Variants in ZNF621 observed in about 807,000 individuals in gnomAD.
ZNF621 encodes the protein zinc finger protein 621.
In ZNF621, 6 loss-of-function variants were observed where a neutral mutation model predicts 12.7. That is an observed-to-expected ratio of 0.47 (90% confidence interval 0.26 to 0.93). ZNF621 has a LOEUF of 0.93. Among genes scored for constraint, ZNF621 ranks in the 40% least tolerant of loss-of-function variants. The probability of loss-of-function intolerance (pLI) is 0.15; values close to 1 mark genes in which losing one functional copy is unlikely to be tolerated. For missense variants in ZNF621, 474 were observed against 524.0 expected, an observed-to-expected ratio of 0.90 and a Z score of 0.93; for synonymous variants, 156 against 190.3, an observed-to-expected ratio of 0.82 and a Z score of 1.48.
chr3:40,533,017 G>T lies in ZNF621; in HGVS notation c.1247G>T (p.Arg416Leu). 6.4e-7 allele frequency: 1 copy of T among 1,551,672 alleles called. No homozygotes were observed. The highest frequency in any genetic ancestry group is 8.7e-7 in the Non-Finnish European group (1 of 1,147,000). ...CCTTCTTCATCTGCCCAAATAGTGC[G>T]TGTCTTCCAGGGTCTTACTCCCACT... is the stretch of plus-strand genomic sequence containing the variant. Reference protein sequence around the residue: ...GIPSSSAQIVRVFQGLTPTVK... With the variant: ...GIPSSSAQIVLVFQGLTPTVK... The change falls in exon 5 of 5, where the codon CGT (arginine) becomes CTT (leucine). Residue 416 changes from arginine to leucine, a missense_variant. Coordinates refer to ENST00000339296, the MANE Select transcript of ZNF621 (RefSeq NM_198484.5).
Position 40,533,139 on chromosome 3 carries a change from C to T in ZNF621, c.*49C>T. ...CTCTTATGCCTAGCAAATCTCCAGC[C>T]TAATTTTATATATTTTTTTGAGAAA... On this transcript the variant is annotated 3_prime_UTR_variant, in exon 5 of 5. Coordinates refer to ENST00000339296, the MANE Select transcript of ZNF621 (RefSeq NM_198484.5). 2 of 1,517,850 alleles carry T rather than the reference C, an allele frequency of 1.3e-6. No individual in the cohort carries two copies. The highest frequency in any genetic ancestry group is 8.8e-7 in the Non-Finnish European group (1 of 1,131,522). The allele number at this position is 1,517,850 out of a possible 1,614,324, so 94.0% of individuals were successfully genotyped here.
At chr3:40,523,772 AC>A (rs1329606332), upstream of ZNF621, among the ~76,000 whole-genome samples, 2 of 142,296 alleles carry the variant, frequency 1.4e-5, no homozygotes, top group Non-Finnish European at 3.0e-5. Flanking sequence ...TCTCAAAAAA[AC>A]AAACAAACAA....
Position 40,533,287 on chromosome 3 carries a change from C to A in ZNF621, c.*197C>A. The stretch of plus-strand genomic sequence containing the variant: ...TCTCGAATAGCTGGGATTACAGGCA[C>A]GCCTCACCACGCCCAGCTAATTTCT... On this transcript the variant is annotated 3_prime_UTR_variant, in exon 5 of 5. Coordinates refer to ENST00000339296, the MANE Select transcript of ZNF621 (RefSeq NM_198484.5). 1 of 803,084 alleles carries A rather than the reference C, an allele frequency of 1.2e-6. No individual in the cohort carries two copies. The highest frequency in any genetic ancestry group is 1.9e-6 in the Non-Finnish European group (1 of 539,466). 49.7% of individuals were successfully genotyped at this position (803,084 alleles called of 1,614,324 possible). A position where few individuals can be genotyped will look rare whatever the true frequency, so the allele number is the denominator to read the frequency against.
At chr3:40,523,553 C>G (rs1050791377), upstream of ZNF621, among the ~76,000 whole-genome samples, 5 of 151,986 alleles carry the variant, frequency 3.3e-5, no homozygotes, top group Admixed American at 3.3e-4. Context: ...ATCACAAGGT[C>G]AGGAGATCGA....
rs1451840669 is a variant in ZNF621, at chr3:40,534,138, G to A, written c.*1048G>A. 6.6e-6 allele frequency: 1 copy of A among 151,714 alleles called. No homozygotes were observed. The highest frequency in any genetic ancestry group is 6.6e-5 in the Admixed American group (1 of 15,210). 9.4% of individuals were successfully genotyped at this position (151,714 alleles called of 1,614,324 possible). A position where few individuals can be genotyped will look rare whatever the true frequency, so the allele number is the denominator to read the frequency against. ...TGTTTTTTTTTCTTTGTGAGCACTGGCTTCTATATTTTATTTCATATTTAT... is the reference window on the plus strand; with the variant it reads ...TGTTTTTTTTTCTTTGTGAGCACTGACTTCTATATTTTATTTCATATTTAT... On this transcript the variant is annotated 3_prime_UTR_variant, in exon 5 of 5. Transcript: ENST00000339296.
chr3:40,532,374 A>T lies in ZNF621; in HGVS notation c.604A>T (p.Ile202Phe), dbSNP rs374035474. The T allele has an allele frequency of 6.2e-7, 1 of 1,613,046 alleles. No individual in the cohort carries two copies. Among genetic ancestry groups the T allele is most frequent in the African/African-American group, 1.3e-5 (1 of 74,918 alleles). ...YDCIVHEKNH[I>F]GEGPYECKEC... ...TTGTATTGTACATGAGAAAAACCAC[A>T]TTGGAGAAGGGCCCTATGAATGTAA... is the stretch of plus-strand genomic sequence containing the variant. Residue 202 changes from isoleucine to phenylalanine, a missense_variant, in exon 5 of 5, where the codon ATT becomes TTT. Coordinates refer to ENST00000339296, the MANE Select transcript of ZNF621 (RefSeq NM_198484.5).
upstream of ZNF621, among the ~76,000 whole-genome samples, chr3:40,523,792 C>CAAA (rs560219486): frequency 4.5e-5 from 3 of 66,780 alleles, no homozygotes; most frequent in Non-Finnish European, 8.3e-5. Flanking sequence ...AAAAAACAAG[C>CAAA]AAAAAAAAAA....
intron 3 of ZNF621, 178 bp downstream of exon 3, chr3:40,529,623 T>C (rs779937794): frequency 4.6e-6 from 6 of 1,292,164 alleles, no homozygotes. Flanking sequence ...TTGTTTGTTT[T>C]GTTTGTTTGT....
At position 40,537,530 on chromosome 3, in the gene ZNF621, G is replaced by A. The variant is rs950079119; in HGVS notation, c.*4440G>A. The A allele has an allele frequency of 2.0e-5, 3 of 152,380 alleles. No homozygotes were observed. Among genetic ancestry groups the A allele is most frequent in the Non-Finnish European group, 4.4e-5 (3 of 68,220 alleles). The allele number at this position is 152,380 out of a possible 1,614,324, so 9.4% of individuals were successfully genotyped here. A position where few individuals can be genotyped will look rare whatever the true frequency, so the allele number is the denominator to read the frequency against. On this transcript the variant is annotated 3_prime_UTR_variant, in exon 5 of 5. Coordinates refer to ENST00000339296, the MANE Select transcript of ZNF621 (RefSeq NM_198484.5). ...AAGTGAGAGGATCCCTTTAGCCAGG[G>A]AGTTCGAGACTGCAGTGAGCTATGA...
At chr3:40,530,344 T>G in intron 4 of ZNF621, 28 bp downstream of exon 4, 1 of 1,589,894 alleles carries the variant, frequency 6.3e-7, no homozygotes, top group Non-Finnish European at 8.6e-7. Flanking sequence ...GTGGTGAAGT[T>G]TCTTGTTTTG....
intron 3 of ZNF621, chr3:40,529,655 CTCTG>C: frequency 7.5e-7 from 1 of 1,336,088 alleles, no homozygotes; most frequent in South Asian, 1.2e-5. Context: ...CAGAGTCTCG[CTCTG>C]TCACCTAGGC....
At chr3:40,530,506 A>G (rs945215945) in intron 4 of ZNF621, among the ~76,000 whole-genome samples, 190 bp downstream of exon 4, 2 of 152,214 alleles carry the variant, frequency 1.3e-5, no homozygotes, top group African/African-American at 4.8e-5. Flanking sequence ...ACATGGCCTC[A>G]TGCTGTCTGC....
At chr3:40,530,177 C>G (rs1402515581) in intron 3 of ZNF621, 32 bp from the exon 4 acceptor site, 2 of 1,583,592 alleles carry the variant, frequency 1.3e-6, no homozygotes, top group Non-Finnish European at 1.7e-6. Flanking sequence ...GGACGTCTCC[C>G]CTCAATTTGT....
In ZNF621 at chr3:40,539,277, T is replaced by A. The variant is rs1194543593; in HGVS notation, c.*6187T>A. 1.3e-5 allele frequency: 2 copies of A among 152,318 alleles called. No individual in the cohort carries two copies. Among genetic ancestry groups the A allele is most frequent in the Non-Finnish European group, 2.9e-5 (2 of 68,114 alleles). The allele number at this position is 152,318 out of a possible 1,614,324, so 9.4% of individuals were successfully genotyped here. On this transcript the variant is annotated 3_prime_UTR_variant, in exon 5 of 5. Transcript: ENST00000339296. ...TCAGTTGATGTTGCAGCCTTCCTTG[T>A]TGTCTCATTTAAAGAAATCTCTAGA...
In ZNF621 at chr3:40,539,006, A is replaced by G. The variant is rs1036302029; in HGVS notation, c.*5916A>G. ...CAATCTCATGATAAAACGTGAACAA[A>G]TGAGGAGTTGCTTCTAATATAAGAG... On this transcript the variant is annotated 3_prime_UTR_variant, in exon 5 of 5. Coordinates refer to ENST00000339296, the MANE Select transcript of ZNF621 (RefSeq NM_198484.5). 1.3e-5 allele frequency: 2 copies of G among 152,718 alleles called. No homozygotes were observed. The highest frequency in any genetic ancestry group is 2.9e-5 in the Non-Finnish European group (2 of 68,366). 9.5% of individuals were successfully genotyped at this position (152,718 alleles called of 1,614,324 possible).
chr3:40,531,944 A>T, intron 4 of ZNF621, 86 bp from the exon 5 acceptor site: 1 of 1,269,392 alleles, frequency 7.9e-7, no homozygotes, highest in Non-Finnish European at 1.1e-6. Context: ...TTTAAAAATT[A>T]CATTCTACAA....
upstream of ZNF621, among the ~76,000 whole-genome samples, chr3:40,523,976 T>C (rs1698519621): frequency 6.6e-6 from 1 of 152,184 alleles, no homozygotes; most frequent in Non-Finnish European, 1.5e-5. Context: ...GGAGTGAGGC[T>C]GTTGTGTACT....
In ZNF621 at chr3:40,532,309, A is replaced by C; in HGVS notation, c.539A>C (p.Lys180Thr). 1 of 1,612,470 alleles carries C rather than the reference A, an allele frequency of 6.2e-7. No homozygotes were observed. Among genetic ancestry groups the C allele is most frequent in the Non-Finnish European group, 8.5e-7 (1 of 1,180,044 alleles). Residue 180 changes from lysine to threonine, a missense_variant, in exon 5 of 5, where the codon AAG (lysine) becomes ACG (threonine). By Grantham distance (78) the Lys-to-Thr change is moderately conservative (BLOSUM62 -1). Transcript: ENST00000339296. Reference sequence around the variant, plus strand: ...AGTCATACTGGGGAAAAGCCCTTTAAGTGTAAGGAGTGTGGCAAAGCTTTC... The same window carrying C: ...AGTCATACTGGGGAAAAGCCCTTTACGTGTAAGGAGTGTGGCAAAGCTTTC... ...QMSHTGEKPF[K>T]CKECGKAFKS...
In ZNF621 at chr3:40,539,268, C is replaced by G. The variant is rs1449355349; in HGVS notation, c.*6178C>G. ...AAGGAAGAGTCAGTTGATGTTGCAG[C>G]CTTCCTTGTTGTCTCATTTAAAGAA... On this transcript the variant is annotated 3_prime_UTR_variant, in exon 5 of 5. Transcript: ENST00000339296. The G allele has an allele frequency of 1.3e-5, 2 of 152,334 alleles. No homozygotes were observed. The highest frequency in any genetic ancestry group is 3.8e-4 in the East Asian group (2 of 5,222). The allele number at this position is 152,334 out of a possible 1,614,324, so 9.4% of individuals were successfully genotyped here.
Sources: gnomAD v4.1 joint callset for allele counts (sites outside exome capture counted in the v4.1 genomes callset) on GRCh38, gnomAD v4.1.1 for gene constraint, MANE v1.5 for transcripts, NCBI Gene and HGNC (gene_info 2026-07-23, HGNC 2026-07-21) for gene names.